The following ARMH3 variants were observed in gnomAD, a reference collection of about 807,000 sequenced individuals.
ARMH3 encodes armadillo-like helical domain-containing protein 3.
In ARMH3, 60 loss-of-function variants were observed where a neutral mutation model predicts 99.1. The ratio of observed to expected loss-of-function variants is 0.61; its 90% confidence interval spans 0.49 to 0.75. The LOEUF is 0.75. Ranked by LOEUF, ARMH3 falls within the 30% of genes least tolerant of loss-of-function variation. The probability of loss-of-function intolerance (pLI) is 0.00; values close to 1 mark genes in which losing one functional copy is unlikely to be tolerated. For synonymous variants in ARMH3, 285 were observed against 292.8 expected (o/e 0.97, Z 0.27); for missense variants, 679 against 843.1 (o/e 0.81, Z 2.41).
chr10:101,991,280 A>C (rs908185764), intron 18 of ARMH3, among the ~76,000 whole-genome samples: 3 of 152,232 alleles, frequency 2.0e-5, no homozygotes, highest in African/African-American at 7.2e-5. Context: ...AGTCAGCCTC[A>C]TCTCAGTTTA....
intron 24 of ARMH3, among the ~76,000 whole-genome samples, chr10:101,866,353 G>T (rs529633393): frequency 2.0e-5 from 3 of 151,972 alleles, no homozygotes; most frequent in African/African-American, 4.8e-5. Flanking sequence ...GAAAGTGCTC[G>T]CAAGAAGCAG....
At chr10:101,907,409 G>C (rs1358271910) in intron 23 of ARMH3, among the ~76,000 whole-genome samples, 1 of 150,588 alleles carries the variant, frequency 6.6e-6, no homozygotes, top group Non-Finnish European at 1.5e-5. Flanking sequence ...TTGAGACAGG[G>C]TCTCACTCTG....
chr10:101,882,927 T>C (rs1056173043), intron 24 of ARMH3, among the ~76,000 whole-genome samples: 5 of 152,180 alleles, frequency 3.3e-5, no homozygotes, highest in Non-Finnish European at 7.3e-5. Context: ...AAAAAGGACA[T>C]ATGCATATTT....
intron 14 of ARMH3, among the ~76,000 whole-genome samples, chr10:102,004,696 A>G (rs188926200): frequency 2.6e-5 from 4 of 152,292 alleles, no homozygotes; most frequent in Admixed American, 2.0e-4. Flanking sequence ...AAGAGAAAGT[A>G]CTGTATTTCC....
intron 24 of ARMH3, among the ~76,000 whole-genome samples, chr10:101,860,430 T>C (rs1450479447): frequency 6.6e-6 from 1 of 152,118 alleles, no homozygotes; most frequent in African/African-American, 2.4e-5. Flanking sequence ...AGATACTGGA[T>C]ATCAGGCAGT....
At chr10:101,941,360 G>GA (rs1225744398) in intron 22 of ARMH3, among the ~76,000 whole-genome samples, 1 of 152,122 alleles carries the variant, frequency 6.6e-6, no homozygotes, top group African/African-American at 2.4e-5. Context: ...CCTCCCAAAT[G>GA]AATGAATGAA....
chr10:101,883,378 T>C lies in ARMH3; in HGVS notation c.1860+6034A>G, dbSNP rs1277837802. ...GTTACAGTAAGCAATGATCACTCCATGCACTCCAGCCTGGGTGACAGAGCA... is the reference window on the plus strand; with the variant it reads ...GTTACAGTAAGCAATGATCACTCCACGCACTCCAGCCTGGGTGACAGAGCA... On this transcript the variant is annotated intron_variant, in intron 24 of 25. Coordinates refer to ENST00000370033, the MANE Select transcript of ARMH3 (RefSeq NM_024541.3). Among the ~76,000 whole-genome samples, 3 of 152,092 alleles carry C rather than the reference T, an allele frequency of 2.0e-5. No individual in the cohort carries two copies. The East Asian group carries it at 5.8e-4, about 30-fold the overall frequency.
In ARMH3 at chr10:101,935,174, AATATATAT is replaced by A. The variant is rs5787448; in HGVS notation, c.1781+4681_1781+4688del. ...AGAAGCGGAATCTCAAAGGTGGAGCAATATATATATATATATATATATATACATTTTTT... is the reference window on the plus strand; with the variant it reads ...AGAAGCGGAATCTCAAAGGTGGAGCAATATATATATATATATACATTTTTT... On this transcript the variant is annotated intron_variant, in intron 23 of 25. Transcript: ENST00000370033. 6.2e-4 allele frequency among the ~76,000 whole-genome samples: 73 copies of A among 117,154 alleles called. 4 individuals are homozygous for A. Among genetic ancestry groups the A allele is most frequent in the East Asian group, 3.3e-3 (9 of 2,736 alleles). The allele number at this position is 117,154 out of a possible 152,430, so 76.9% of individuals were successfully genotyped here. A position where few individuals can be genotyped will look rare whatever the true frequency, so the allele number is the denominator to read the frequency against.
At chr10:102,000,398 G>T (rs752390880) in intron 15 of ARMH3, among the ~76,000 whole-genome samples, 44 of 152,028 alleles carry the variant, frequency 2.9e-4, no homozygotes, top group Admixed American at 8.5e-4. Flanking sequence ...TTGCTGTCAG[G>T]CCTTGGGGCA....
chr10:101,849,715 G>T, intron 25 of ARMH3, 61 bp downstream of exon 25: 1 of 1,420,196 alleles, frequency 7.0e-7, no homozygotes, highest in Non-Finnish European at 9.9e-7. Flanking sequence ...CAGATAAACT[G>T]CAGAACCCAG....
At chr10:101,896,618 C>A (rs932732258) in intron 23 of ARMH3, among the ~76,000 whole-genome samples, 3 of 152,218 alleles carry the variant, frequency 2.0e-5, no homozygotes, top group African/African-American at 7.2e-5. Flanking sequence ...AGTTTTTGAG[C>A]AAGCTGCTTT....
In ARMH3 at chr10:101,985,272, A is replaced by G. The variant is rs181284325; in HGVS notation, c.1406+5279T>C. 8.7e-4 allele frequency among the ~76,000 whole-genome samples: 128 copies of G among 147,586 alleles called. 1 individual carries two copies. Among genetic ancestry groups the G allele is most frequent in the African/African-American group, 3.1e-3 (127 of 40,360 alleles). ...TGTGTATATATATGTGTATATACGT[A>G]TGTGTATATACGTATATACACACGT... On this transcript the variant is annotated intron_variant, in intron 19 of 25. Transcript: ENST00000370033.
intron 19 of ARMH3, among the ~76,000 whole-genome samples, chr10:101,987,462 G>A (rs1322224985): frequency 6.6e-6 from 1 of 152,148 alleles, no homozygotes; most frequent in Non-Finnish European, 1.5e-5. Flanking sequence ...ATGATTAAGA[G>A]AACAGCCTCC....
In ARMH3 at chr10:102,019,038, T is replaced by C. The variant is rs539687951; in HGVS notation, c.669+4439A>G. On this transcript the variant is annotated intron_variant, in intron 8 of 25. Coordinates refer to ENST00000370033, the MANE Select transcript of ARMH3 (RefSeq NM_024541.3). Reference sequence around the variant, plus strand: ...AATAAACGACTATGTTACTGGTTTATGTATTTACTATACTATACTTTTTTT... The same window carrying C: ...AATAAACGACTATGTTACTGGTTTACGTATTTACTATACTATACTTTTTTT... 3.0e-3 allele frequency among the ~76,000 whole-genome samples: 452 copies of C among 152,310 alleles called. 1 individual carries two copies. Among genetic ancestry groups the C allele is most frequent in the Non-Finnish European group, 4.9e-3 (332 of 68,016 alleles).
chr10:101,954,785 T>G (rs547465464), intron 22 of ARMH3, among the ~76,000 whole-genome samples: 1 of 152,316 alleles, frequency 6.6e-6, no homozygotes, highest in Admixed American at 6.5e-5. Context: ...TCCTATTGTT[T>G]GCTGTGTTTC....
chr10:102,036,359 C>G (rs2067271013), intron 2 of ARMH3, among the ~76,000 whole-genome samples: 1 of 152,138 alleles, frequency 6.6e-6, no homozygotes, highest in Admixed American at 6.5e-5. Context: ...CCGGCCACCA[C>G]CCCGTCTGGG....
intron 22 of ARMH3, among the ~76,000 whole-genome samples, chr10:101,945,649 C>A (rs981655038): frequency 1.9e-4 from 29 of 151,628 alleles, no homozygotes; most frequent in African/African-American, 7.0e-4. Context: ...ACACAGGAGG[C>A]AGAGGTTGCA....
At chr10:101,854,903 G>T (rs1042759313) in intron 24 of ARMH3, among the ~76,000 whole-genome samples, 8 of 150,272 alleles carry the variant, frequency 5.3e-5, no homozygotes, top group African/African-American at 2.0e-4. Context: ...GTCAATAATG[G>T]TTACTAATTT....
At chr10:102,008,730 ATTTTT>A (rs530749445) in intron 13 of ARMH3, among the ~76,000 whole-genome samples, 1 of 147,116 alleles carries the variant, frequency 6.8e-6, no homozygotes, top group Non-Finnish European at 1.5e-5. Flanking sequence ...TTTTTTTTTA[ATTTTT>A]TTTTTATTTT....
Sources: allele counts gnomAD v4.1 joint callset (sites outside exome capture counted in the v4.1 genomes callset), GRCh38; gene constraint gnomAD v4.1.1; transcripts MANE v1.5; gene names NCBI Gene and HGNC (gene_info 2026-07-23, HGNC 2026-07-21).